Variants in ARHGEF28 observed in about 807,000 individuals in gnomAD.
The protein encoded by ARHGEF28 is Rho guanine nucleotide exchange factor 28, also known as 190 kDa guanine nucleotide exchange factor.
A neutral mutation model predicts 206.6 loss-of-function variants in ARHGEF28; 152 were observed. That is an observed-to-expected ratio of 0.74 (90% CI 0.64 to 0.84). The LOEUF (loss-of-function observed/expected upper bound fraction) is 0.84. Ranked by LOEUF, ARHGEF28 falls within the 40% of genes least tolerant of loss-of-function variation. The probability of loss-of-function intolerance (pLI) is 0.00; values close to 1 mark genes in which losing one functional copy is unlikely to be tolerated. For missense variants in ARHGEF28, 2,028 were observed against 2,073.2 expected, an observed-to-expected ratio of 0.98 and a Z score of 0.42; for synonymous variants, 763 against 776.4, an observed-to-expected ratio of 0.98 and a Z score of 0.29.
chr5:73,807,678 G>C (rs1755592890), intron 9 of ARHGEF28, among the ~76,000 whole-genome samples: 1 of 151,592 alleles, frequency 6.6e-6, no homozygotes, highest in African/African-American at 2.4e-5. Context: ...TAGAGATGGG[G>C]TTTCACTAAG....
In ARHGEF28 at chr5:73,876,762, G is replaced by T. The variant is rs1007273119; in HGVS notation, c.2814+3516G>T. 4.0e-5 allele frequency among the ~76,000 whole-genome samples: 6 copies of T among 150,692 alleles called. No homozygotes were observed. In the East Asian group the frequency reaches 9.8e-4, roughly 25 times the overall value. ...ATATTGAACCAGCCTTGCATCCCAGGGATGAAGCCCACTTGATCATGGTGC... is the reference window on the plus strand; with the variant it reads ...ATATTGAACCAGCCTTGCATCCCAGTGATGAAGCCCACTTGATCATGGTGC... On this transcript the variant is annotated intron_variant, in intron 22 of 35. Transcript: ENST00000513042.
intron 2 of ARHGEF28, among the ~76,000 whole-genome samples, chr5:73,709,984 G>T (rs1385265406): frequency 6.6e-6 from 1 of 152,148 alleles, no homozygotes; most frequent in Non-Finnish European, 1.5e-5. Context: ...TGTGTCGAAG[G>T]CCTGGTTTTT....
chr5:73,763,261 G>A (rs973975625), intron 4 of ARHGEF28, among the ~76,000 whole-genome samples: 1 of 152,100 alleles, frequency 6.6e-6, no homozygotes, highest in Admixed American at 6.5e-5. Context: ...AATATCCCTT[G>A]TTGATTGTGC....
chr5:73,917,338 C>T (rs2312936), intron 35 of ARHGEF28, among the ~76,000 whole-genome samples: 4,700 of 152,306 alleles, frequency 0.031, 132 homozygotes, highest in Admixed American at 0.091. Flanking sequence ...ATATTGCTTG[C>T]TCTTGGTAAT....
chr5:73,726,791 A>G (rs565986920), intron 2 of ARHGEF28, among the ~76,000 whole-genome samples: 46 of 152,286 alleles, frequency 3.0e-4, no homozygotes, highest in African/African-American at 1.1e-3. Context: ...AGCCTTTTAA[A>G]ACTATCTTTT....
intron 2 of ARHGEF28, among the ~76,000 whole-genome samples, chr5:73,734,621 C>T (rs147957084): frequency 3.3e-5 from 5 of 152,028 alleles, no homozygotes; most frequent in Non-Finnish European, 5.9e-5. Context: ...CACTTTATAT[C>T]CCAGAAAAAA....
chr5:73,738,880 C>G (rs1751188109), intron 2 of ARHGEF28, among the ~76,000 whole-genome samples: 1 of 152,156 alleles, frequency 6.6e-6, no homozygotes, highest in East Asian at 1.9e-4. Flanking sequence ...TAAATAATAA[C>G]CATGTGAGGT....
intron 35 of ARHGEF28, among the ~76,000 whole-genome samples, chr5:73,916,540 C>G (rs528782022): frequency 6.6e-6 from 1 of 152,170 alleles, no homozygotes; most frequent in African/African-American, 2.4e-5. Flanking sequence ...CTTCTTCCTG[C>G]GTCTTCACCT....
rs189000387 is a variant in ARHGEF28, at chr5:73,854,931, T to G, written c.1790+2239T>G. 1.2e-4 allele frequency among the ~76,000 whole-genome samples: 19 copies of G among 152,256 alleles called. 1 individual carries two copies. The East Asian group carries it at 3.5e-3, about 28-fold the overall frequency. ...AGGGTTAAAATATTAAGAATCCATA[T>G]TCTTAATATGTTTTAAATGTCTATT... On this transcript the variant is annotated intron_variant, in intron 14 of 35. Transcript: ENST00000513042.
At chr5:73,729,520 C>T (rs566507028) in intron 2 of ARHGEF28, among the ~76,000 whole-genome samples, 2 of 152,258 alleles carry the variant, frequency 1.3e-5, no homozygotes, top group African/African-American at 4.8e-5. Flanking sequence ...AAATATTGAA[C>T]AATTCTCATT....
intron 35 of ARHGEF28, among the ~76,000 whole-genome samples, chr5:73,940,139 A>G (rs1208546947): frequency 6.6e-6 from 1 of 152,188 alleles, no homozygotes; most frequent in African/African-American, 2.4e-5. Context: ...TCTTTCTTCA[A>G]ATCAAGCCTC....
intron 2 of ARHGEF28, among the ~76,000 whole-genome samples, chr5:73,709,189 G>A (rs1396381589): frequency 1.3e-5 from 2 of 152,096 alleles, no homozygotes; most frequent in Admixed American, 6.5e-5. Flanking sequence ...TGTAATCCTG[G>A]TTGATTTTTA....
rs558868839 is a variant in ARHGEF28, at chr5:73,836,004, A to G, written c.1146+3545A>G. Among the ~76,000 whole-genome samples, 9 of 152,074 alleles carry G rather than the reference A, an allele frequency of 5.9e-5. No homozygotes were observed. In the East Asian group the frequency reaches 1.2e-3, roughly 20 times the overall value. On this transcript the variant is annotated intron_variant, in intron 10 of 35. Transcript: ENST00000513042. ...AGAAAAAAAGACTGTTTTTATCCCT[A>G]TATTTTCAGAAAATCATATGTGCCA... is the stretch of plus-strand genomic sequence containing the variant.
chr5:73,840,386 C>A (rs1226258905), intron 10 of ARHGEF28, 94 bp from the exon 11 acceptor site: 2 of 1,344,562 alleles, frequency 1.5e-6, no homozygotes, highest in South Asian at 2.8e-5. Flanking sequence ...CCACGCCTGG[C>A]CAGAAGTTTT....
chr5:73,879,132 TC>T (rs1166775156), intron 22 of ARHGEF28, among the ~76,000 whole-genome samples: 2 of 152,192 alleles, frequency 1.3e-5, no homozygotes. Flanking sequence ...TTCTTTTTAT[TC>T]TTTTTTCTCT....
At chr5:73,795,842 C>T (rs1754773732) in intron 9 of ARHGEF28, among the ~76,000 whole-genome samples, 1 of 135,670 alleles carries the variant, frequency 7.4e-6, no homozygotes, top group Non-Finnish European at 1.6e-5. Flanking sequence ...CCCCTTGGAG[C>T]TGAGCCTATG....
At chr5:73,868,714 T>C (rs1759871685) in intron 20 of ARHGEF28, among the ~76,000 whole-genome samples, 1 of 152,108 alleles carries the variant, frequency 6.6e-6, no homozygotes, top group Non-Finnish European at 1.5e-5. Context: ...TGGTATGATC[T>C]CGGCTCATTG....
chr5:73,773,598 G>A (rs547608368), intron 4 of ARHGEF28, among the ~76,000 whole-genome samples: 38 of 152,202 alleles, frequency 2.5e-4, no homozygotes, highest in Non-Finnish European at 5.1e-4. Flanking sequence ...ACGTGAATGT[G>A]TAGTGCAATG....
intron 12 of ARHGEF28, among the ~76,000 whole-genome samples, chr5:73,846,855 G>A (rs1479026338): frequency 6.6e-6 from 1 of 152,110 alleles, no homozygotes; most frequent in Non-Finnish European, 1.5e-5. Context: ...ATAATTGTAT[G>A]GCCCTGATGA....
Sources: gnomAD v4.1 joint callset for allele counts (sites outside exome capture counted in the v4.1 genomes callset) on GRCh38, gnomAD v4.1.1 for gene constraint, MANE v1.5 for transcripts, NCBI Gene and HGNC (gene_info 2026-07-23, HGNC 2026-07-21) for gene names.